The following CSMD2 variants were observed in gnomAD, a reference collection of about 807,000 sequenced individuals.
CSMD2 encodes CUB and sushi domain-containing protein 2.
CSMD2 carries 130 observed loss-of-function variants against 398.5 expected under a neutral mutation model. That is an observed-to-expected ratio of 0.33 (90% confidence interval 0.28 to 0.38). The LOEUF is 0.38. CSMD2 is among the 10% of genes least tolerant of loss of function. The probability of loss-of-function intolerance (pLI) is 1.00; values close to 1 mark genes in which losing one functional copy is unlikely to be tolerated. For missense variants in CSMD2, 3,829 were observed against 4,764.9 expected, an observed-to-expected ratio of 0.80 and a Z score of 5.78; for synonymous variants, 1,828 against 1,908.5, an observed-to-expected ratio of 0.96 and a Z score of 1.10.
intron 1 of CSMD2, among the ~76,000 whole-genome samples, chr1:34,159,340 C>CCCCCCCCG (rs1557450794): frequency 1.6e-5 from 2 of 124,142 alleles, no homozygotes; most frequent in African/African-American, 3.5e-5. Flanking sequence ...CCCCCCCCCA[C>CCCCCCCCG]CCAGGAGCTT....
rs376773664 is a variant in CSMD2 at position 33,548,751 on chromosome 1, G to A, written c.8917+1426C>T. Reference sequence around the variant, plus strand: ...GGTTCACTCATTGTCTAGCCTTTGCGTACATTGAATTCCTTCTAATTCTGT... The same window carrying A: ...GGTTCACTCATTGTCTAGCCTTTGCATACATTGAATTCCTTCTAATTCTGT... On this transcript the variant is annotated intron_variant, in intron 56 of 70. Transcript: ENST00000373381. Among the ~76,000 whole-genome samples, 13 of 152,254 alleles carry A rather than the reference G, an allele frequency of 8.5e-5. No homozygotes were observed. The East Asian group carries it at 1.2e-3, about 14-fold the overall frequency.
intron 57 of CSMD2, among the ~76,000 whole-genome samples, chr1:33,544,145 C>T (rs566120862): frequency 9.0e-5 from 12 of 133,508 alleles, no homozygotes; most frequent in Non-Finnish European, 1.7e-4. Context: ...CTCGCTCTTT[C>T]GCCCAGGCTG....
chr1:33,865,590 C>T (rs1209205548), intron 5 of CSMD2, among the ~76,000 whole-genome samples: 1 of 152,000 alleles, frequency 6.6e-6, no homozygotes, highest in African/African-American at 2.4e-5. Flanking sequence ...GGCATGTGAC[C>T]CAAGTTGGTC....
At position 33,533,213 on chromosome 1, in the gene CSMD2, C is replaced by T. The variant is rs1480318142; in HGVS notation, c.10008G>A (p.Gln3336=). 6.2e-7 allele frequency: 1 copy of T among 1,613,786 alleles called. No homozygotes were observed. Among genetic ancestry groups the T allele is most frequent in the Non-Finnish European group, 8.5e-7 (1 of 1,179,992 alleles). Reference sequence around the variant, plus strand: ...CGTTGGCATGCGTTGGCGTCTCTGGCTGCCTGCAGTGGTGGGCTGGATGAG... The same window carrying T: ...CGTTGGCATGCGTTGGCGTCTCTGGTTGCCTGCAGTGGTGGGCTGGATGAG... ...PPDCVPHHCR[Q]PETPTHANVG... is the part of the protein sequence containing the mutation. The change falls in exon 64 of 71, where the codon CAG becomes CAA. Residue 3336 remains glutamine, a synonymous_variant. Coordinates refer to ENST00000373381, the MANE Select transcript of CSMD2 (RefSeq NM_001281956.2). The surrounding 1 kb of genome is among the most constrained non-coding windows in gnomAD (Gnocchi z 4.2).
chr1:33,600,628 G>A, intron 44 of CSMD2: 1 of 568,516 alleles, frequency 1.8e-6, no homozygotes, highest in South Asian at 2.3e-5. Context: ...GGGCTTCTGT[G>A]CCTCTCTGCC....
intron 1 of CSMD2, among the ~76,000 whole-genome samples, chr1:34,119,494 T>C (rs1451716470): frequency 6.6e-6 from 1 of 151,866 alleles, no homozygotes; most frequent in Non-Finnish European, 1.5e-5. Flanking sequence ...ACCTAAGAAA[T>C]GGGAGAAAAT....
At chr1:33,521,431 GC>G in intron 68 of CSMD2, 31 bp downstream of exon 68, 1 of 1,229,520 alleles carries the variant, frequency 8.1e-7, no homozygotes, top group Non-Finnish European at 1.2e-6. Context: ...ACCCACCCGG[GC>G]CCACACTTCC....
chr1:33,852,181 T>C (rs1290593020), intron 5 of CSMD2, among the ~76,000 whole-genome samples: 1 of 151,570 alleles, frequency 6.6e-6, no homozygotes, highest in East Asian at 2.0e-4. Flanking sequence ...CTATCGCCAA[T>C]TGTGGCCAAG....
chr1:34,111,648 G>A (rs1261270783), intron 1 of CSMD2, among the ~76,000 whole-genome samples: 1 of 152,128 alleles, frequency 6.6e-6, no homozygotes, highest in African/African-American at 2.4e-5. Flanking sequence ...TGGGGATCAG[G>A]GTAAGTAGCT....
rs149934654 is a variant in CSMD2 at position 34,065,163 on chromosome 1, C to T, written c.404+23814G>A. On this transcript the variant is annotated intron_variant, in intron 2 of 70. Transcript: ENST00000373381. ...CTTCCTTTGCTCCCCTCCCCCAACC[C>T]CACCTCATGATGGTCTCTTAACTCT... Among the ~76,000 whole-genome samples, 473 of 152,280 alleles carry T rather than the reference C, an allele frequency of 3.1e-3. 1 individual carries two copies. The highest frequency in any genetic ancestry group is 0.011 in the African/African-American group (454 of 41,566).
intron 5 of CSMD2, among the ~76,000 whole-genome samples, chr1:33,894,988 C>T (rs74069755): frequency 0.014 from 2,165 of 152,320 alleles, 52 homozygotes; most frequent in African/African-American, 0.049. Flanking sequence ...CAACCACATC[C>T]AACCCCAACA....
intron 14 of CSMD2, among the ~76,000 whole-genome samples, chr1:33,741,621 T>C (rs1479763167): frequency 1.3e-5 from 2 of 152,234 alleles, no homozygotes; most frequent in South Asian, 2.1e-4. Context: ...TTTTGGGTAG[T>C]GGTTAACATC....
At chr1:34,149,016 T>C (rs1162905965) in intron 1 of CSMD2, among the ~76,000 whole-genome samples, 1 of 152,118 alleles carries the variant, frequency 6.6e-6, no homozygotes, top group African/African-American at 2.4e-5. Context: ...TCCCCGAGCA[T>C]TTATTTACTA....
chr1:33,925,727 T>G (rs1364647004), intron 4 of CSMD2, among the ~76,000 whole-genome samples: 1 of 152,102 alleles, frequency 6.6e-6, no homozygotes, highest in Non-Finnish European at 1.5e-5. Context: ...ATAACCCCCA[T>G]TGTCACTCAG....
rs562097063 is a variant in CSMD2, at chr1:33,802,981, T to C, written c.1446+7762A>G. ...CCTCCACAGCCTCACCTCCCATCCA[T>C]TTGCTTCCCACCCTACTGCTGTCTG... On this transcript the variant is annotated intron_variant, in intron 10 of 70. Coordinates refer to ENST00000373381, the MANE Select transcript of CSMD2 (RefSeq NM_001281956.2). Among the ~76,000 whole-genome samples the C allele has an allele frequency of 9.2e-5, 14 of 152,288 alleles. No individual in the cohort carries two copies. In the South Asian group the frequency reaches 2.7e-3, roughly 29 times the overall value.
At chr1:33,966,105 G>T (rs1376769697) in intron 3 of CSMD2, among the ~76,000 whole-genome samples, 1 of 152,202 alleles carries the variant, frequency 6.6e-6, no homozygotes, top group East Asian at 1.9e-4. Flanking sequence ...AATGATGCAA[G>T]ACCCAAATCT....
chr1:33,754,995 A>G (rs1263090954), intron 13 of CSMD2, among the ~76,000 whole-genome samples: 2 of 152,036 alleles, frequency 1.3e-5, no homozygotes, highest in African/African-American at 2.4e-5. Context: ...TGGAGAAGAG[A>G]ATGACTTGAG....
intron 14 of CSMD2, among the ~76,000 whole-genome samples, chr1:33,742,579 C>T (rs77078060): frequency 1.2e-4 from 4 of 32,456 alleles, no homozygotes; most frequent in African/African-American, 4.0e-4. Context: ...AAGCTTCTGC[C>T]CCCCCCCCCC....
chr1:34,106,970 T>C (rs776883905), intron 1 of CSMD2, among the ~76,000 whole-genome samples: 2 of 152,224 alleles, frequency 1.3e-5, no homozygotes, highest in Non-Finnish European at 2.9e-5. Flanking sequence ...AAGCCAACAC[T>C]AGTCAAGGGT....
Sources: gnomAD v4.1 joint callset for allele counts (sites outside exome capture counted in the v4.1 genomes callset) on GRCh38, gnomAD v4.1.1 for gene constraint, Gnocchi (gnomAD v3.1) non-coding constraint, MANE v1.5 for transcripts, NCBI Gene and HGNC (gene_info 2026-07-23, HGNC 2026-07-21) for gene names.